Variants in SYNE2 observed in about 807,000 individuals in gnomAD.
SYNE2 encodes nesprin-2.
Under a neutral mutation model 856.3 loss-of-function variants are expected in SYNE2, and 431 were observed. The observed-to-expected ratio is 0.50, with a 90% CI of 0.47 to 0.55. The LOEUF (loss-of-function observed/expected upper bound fraction) is 0.55, where lower values mean the gene tolerates loss of function less well. Among genes scored for constraint, SYNE2 ranks in the 20% least tolerant of loss-of-function variants. The pLI is 0.00. For synonymous variants in SYNE2, 2,923 were observed against 2,872.3 expected (o/e 1.02, Z -0.56); for missense variants, 8,129 against 8,023.2 (o/e 1.01, Z -0.50).
intron 11 of SYNE2, among the ~76,000 whole-genome samples, chr14:63,974,630 C>T (rs552988650): frequency 6.6e-6 from 1 of 151,178 alleles, no homozygotes; most frequent in East Asian, 2.0e-4. Flanking sequence ...GTGATCTTGG[C>T]TCACTGCAGC....
At chr14:64,086,073 A>G (rs557706828) in intron 57 of SYNE2, among the ~76,000 whole-genome samples, 22 of 152,306 alleles carry the variant, frequency 1.4e-4, no homozygotes, top group Non-Finnish European at 2.6e-4. Flanking sequence ...ATTCTAAGAA[A>G]TCCTTACCTA....
chr14:64,142,874 C>T (rs1424068473), intron 82 of SYNE2, among the ~76,000 whole-genome samples: 1 of 152,210 alleles, frequency 6.6e-6, no homozygotes, highest in Admixed American at 6.5e-5. Flanking sequence ...ATTTCATGAG[C>T]CACATGCAAA....
intron 47 of SYNE2, 60 bp from the exon 48 acceptor site, chr14:64,051,497 A>G: frequency 6.9e-7 from 1 of 1,458,682 alleles, no homozygotes; most frequent in Non-Finnish European, 9.3e-7. Flanking sequence ...ATATTTATCC[A>G]CATTTTAATG....
intron 11 of SYNE2, among the ~76,000 whole-genome samples, chr14:63,971,850 T>C (rs1480596151): frequency 1.3e-5 from 2 of 152,206 alleles, no homozygotes; most frequent in East Asian, 3.9e-4. Context: ...TGAGGAATAA[T>C]TTATGTAACA....
intron 1 of SYNE2, among the ~76,000 whole-genome samples, chr14:63,802,389 G>C (rs559154434): frequency 4.3e-4 from 65 of 152,080 alleles, no homozygotes; most frequent in African/African-American, 1.5e-3. Context: ...TTACAGGCAT[G>C]AGCCACTACA....
intron 37 of SYNE2, 52 bp downstream of exon 37, chr14:64,022,080 G>T: frequency 6.5e-7 from 1 of 1,548,010 alleles, no homozygotes; most frequent in Non-Finnish European, 8.9e-7. Context: ...AAGTATGAAT[G>T]TAGTACTGTG....
At chr14:63,783,301 A>G (rs1287867517) in intron 1 of SYNE2, among the ~76,000 whole-genome samples, 1 of 152,104 alleles carries the variant, frequency 6.6e-6, no homozygotes, top group Non-Finnish European at 1.5e-5. Flanking sequence ...CCATGATTAT[A>G]AGTTTCCTGA....
chr14:64,189,066 G>A, intron 98 of SYNE2: 1 of 687,260 alleles, frequency 1.5e-6, no homozygotes. Flanking sequence ...TGGCGTGGTG[G>A]CTCATTGCTG....
intron 102 of SYNE2, 71 bp from the exon 103 acceptor site, chr14:64,209,871 G>T: frequency 1.2e-6 from 2 of 1,603,788 alleles, no homozygotes; most frequent in Non-Finnish European, 8.5e-7. Flanking sequence ...AGGTCGCTTG[G>T]GATGTAGAAG....
chr14:64,147,494 T>TGA (rs1461477636), intron 84 of SYNE2, among the ~76,000 whole-genome samples: 7 of 152,190 alleles, frequency 4.6e-5, no homozygotes, highest in African/African-American at 1.7e-4. Flanking sequence ...CTAAGTCAAG[T>TGA]GAGTCTTACA....
intron 99 of SYNE2, chr14:64,190,649 G>A: frequency 4.3e-6 from 3 of 700,942 alleles, no homozygotes; most frequent in Admixed American, 2.0e-5. Context: ...GATGCTGGGG[G>A]CCCATGACTG....
At position 64,137,812 on chromosome 14, in the gene SYNE2, A is replaced by G. The variant is rs1180944283; in HGVS notation, c.14672A>G (p.Lys4891Arg). 8.7e-6 allele frequency: 14 copies of G among 1,614,084 alleles called. No homozygotes were observed. The highest frequency in any genetic ancestry group is 1.2e-5 in the Non-Finnish European group (14 of 1,180,038). ...CAAATAAAAAGAAACATTGGTGGAA[A>G]ACACGCCCGGCTTTACCAAACTCTG... ...YQQIKRNIGGKHARLYQTLNE... is the reference protein window; with the variant it reads ...YQQIKRNIGGRHARLYQTLNE... Residue 4891 changes from lysine to arginine, a missense_variant, in exon 79 of 116, where the codon AAA (lysine) becomes AGA (arginine). By Grantham distance (26) the Lys-to-Arg change is conservative (BLOSUM62 2). Around this residue, in one of 3 missense-constraint regions of SYNE2, gnomAD observed 5,410 missense variants for 5,284.8 expected, o/e 1.02. Coordinates refer to ENST00000555002, the MANE Select transcript of SYNE2 (RefSeq NM_182914.3).
intron 92 of SYNE2, among the ~76,000 whole-genome samples, chr14:64,168,599 A>G (rs2098394835): frequency 6.6e-6 from 1 of 152,216 alleles, no homozygotes; most frequent in African/African-American, 2.4e-5. Flanking sequence ...GCTGAGAAAT[A>G]AATGAGACAA....
intron 45 of SYNE2, among the ~76,000 whole-genome samples, chr14:64,041,849 TAAAAAA>T (rs33974614): frequency 6.9e-6 from 1 of 143,940 alleles, no homozygotes; most frequent in Admixed American, 6.9e-5. Context: ...GACCCTTTCT[TAAAAAA>T]AAAAAAAGAA....
chr14:63,861,847 G>T (rs935843661), intron 1 of SYNE2, among the ~76,000 whole-genome samples: 3 of 152,128 alleles, frequency 2.0e-5, no homozygotes, highest in African/African-American at 7.2e-5. Flanking sequence ...AATTCAAAAT[G>T]ATACAGTTAT....
chr14:64,156,133 A>C (rs1453372418), intron 85 of SYNE2, among the ~76,000 whole-genome samples: 6 of 152,184 alleles, frequency 3.9e-5, no homozygotes, highest in African/African-American at 7.2e-5. Context: ...TGTTTTTAGT[A>C]TAGTGAATTT....
rs1395408453 is a variant in SYNE2, at chr14:64,189,104, C to T, written c.17871+396C>T. ...ATCCTAGCACTTTGGGAGGCCAAGG[C>T]GGGTGGATCACCTGAGGTCAAGAGT... is the stretch of plus-strand genomic sequence containing the variant. On this transcript the variant is annotated intron_variant, in intron 98 of 115. Transcript: ENST00000555002. 7.2e-5 allele frequency: 46 copies of T among 639,728 alleles called. 2 individuals carry two copies. The highest frequency in any genetic ancestry group is 4.9e-4 in the South Asian group (27 of 55,458). 39.6% of individuals were successfully genotyped at this position (639,728 alleles called of 1,614,324 possible).
chr14:63,942,067 T>C lies in SYNE2; in HGVS notation c.332T>C (p.Ile111Thr), dbSNP rs771063078. 4.3e-6 allele frequency: 7 copies of C among 1,610,824 alleles called. 1 individual carries two copies. In the Admixed American group the frequency reaches 1.2e-4, roughly 27 times the overall value. Residue 111 changes from isoleucine to threonine, a missense_variant, in exon 6 of 116, where the codon ATT (isoleucine) becomes ACT (threonine). Ile to Thr is a moderately conservative substitution (Grantham distance 89). Coordinates refer to ENST00000555002, the MANE Select transcript of SYNE2 (RefSeq NM_182914.3). ...LRNRSIKLIN[I>T]HVTDIIDGNP... ...GTTTTCCAGATTAAGCTAATAAATA[T>C]TCATGTTACTGATATCATTGATGGA...
intron 78 of SYNE2, among the ~76,000 whole-genome samples, chr14:64,136,580 G>A (rs904915620): frequency 6.6e-6 from 1 of 152,074 alleles, no homozygotes; most frequent in Non-Finnish European, 1.5e-5. Context: ...AGGATAAATG[G>A]CATTAGCTGA....
Sources: allele counts gnomAD v4.1 joint callset (sites outside exome capture counted in the v4.1 genomes callset), GRCh38; gene constraint gnomAD v4.1.1; regional missense constraint gnomAD v4.1.1; transcripts MANE v1.5; gene names NCBI Gene and HGNC (gene_info 2026-07-23, HGNC 2026-07-21).